The following TMEM163 variants were observed in gnomAD, a reference collection of about 807,000 sequenced individuals.
The protein encoded by TMEM163 is transmembrane protein 163.
Under a neutral mutation model 29.3 loss-of-function variants are expected in TMEM163, and 17 were observed. The ratio of observed to expected loss-of-function variants is 0.58; its 90% confidence interval spans 0.40 to 0.87. TMEM163 has a LOEUF of 0.87. Among genes scored for constraint, TMEM163 ranks in the 40% least tolerant of loss-of-function variants. The pLI, the probability that TMEM163 is intolerant of heterozygous loss-of-function variation, is 0.00. For missense variants in TMEM163, 303 were observed against 381.5 expected (o/e 0.79, Z 1.71); for synonymous variants, 157 against 160.6 (o/e 0.98, Z 0.17).
intron 5 of TMEM163, among the ~76,000 whole-genome samples, chr2:134,473,246 A>G (rs986120949): frequency 9.9e-5 from 15 of 152,202 alleles, no homozygotes; most frequent in Admixed American, 5.2e-4. Flanking sequence ...GCAGAAATCA[A>G]TGAGACAGAC....
chr2:134,532,122 C>A (rs1404164167), intron 4 of TMEM163, among the ~76,000 whole-genome samples: 3 of 152,258 alleles, frequency 2.0e-5, no homozygotes, highest in African/African-American at 7.2e-5. Context: ...TATGTGCATT[C>A]AGCACGAGAC....
At chr2:134,588,904 G>T (rs1483903723) in intron 2 of TMEM163, among the ~76,000 whole-genome samples, 1 of 152,126 alleles carries the variant, frequency 6.6e-6, no homozygotes, top group East Asian at 1.9e-4. Flanking sequence ...AAAGTGTAGA[G>T]TTCATGAAGA....
chr2:134,510,231 G>GA (rs1193811346), intron 4 of TMEM163, among the ~76,000 whole-genome samples: 1 of 152,114 alleles, frequency 6.6e-6, no homozygotes, highest in African/African-American at 2.4e-5. Context: ...GTTGCTTAGG[G>GA]AAAAAATGAA....
At chr2:134,462,955 A>G (rs1686582401) in intron 6 of TMEM163, among the ~76,000 whole-genome samples, 2 of 152,206 alleles carry the variant, frequency 1.3e-5, no homozygotes, top group African/African-American at 4.8e-5. Context: ...AGTGAGGTGG[A>G]TAAAGATCCC....
intron 2 of TMEM163, among the ~76,000 whole-genome samples, chr2:134,662,010 T>C (rs1558982993): frequency 6.7e-6 from 1 of 148,616 alleles, no homozygotes; most frequent in Non-Finnish European, 1.5e-5. Flanking sequence ...AGGCTCACTG[T>C]AAGCTCCACC....
In TMEM163 at chr2:134,460,685, C is replaced by T. The variant is rs1574147873; in HGVS notation, c.668-2512G>A. Reference sequence around the variant, plus strand: ...GTGCTGCTCAGAAAAGAGGCAAAAGCGTGAGGTTCCCCAGACAGCCACTAG... The same window carrying T: ...GTGCTGCTCAGAAAAGAGGCAAAAGTGTGAGGTTCCCCAGACAGCCACTAG... On this transcript the variant is annotated intron_variant, in intron 6 of 7. Transcript: ENST00000281924. The surrounding 1 kb of genome is among the most constrained non-coding windows in gnomAD (Gnocchi z 4.3). 6.6e-6 allele frequency among the ~76,000 whole-genome samples: 1 copy of T among 152,274 alleles called. No individual in the cohort carries two copies. Among genetic ancestry groups the T allele is most frequent in the African/African-American group, 2.4e-5 (1 of 41,540 alleles).
At chr2:134,711,889 T>A (rs1684934582) in intron 2 of TMEM163, among the ~76,000 whole-genome samples, 1 of 152,216 alleles carries the variant, frequency 6.6e-6, no homozygotes, top group African/African-American at 2.4e-5. Flanking sequence ...CCTCCCTTCA[T>A]TCCTTTCCTT....
At chr2:134,697,260 AAGG>A (rs1684602383) in intron 2 of TMEM163, among the ~76,000 whole-genome samples, 1 of 152,236 alleles carries the variant, frequency 6.6e-6, no homozygotes, top group East Asian at 1.9e-4. Context: ...GTATAATAAT[AAGG>A]AGAAGTGGTA....
chr2:134,594,381 G>C (rs897713800), intron 2 of TMEM163, among the ~76,000 whole-genome samples: 9 of 152,152 alleles, frequency 5.9e-5, no homozygotes, highest in African/African-American at 2.2e-4. Context: ...TGAGTTTCCA[G>C]TGAGTGTGAT....
chr2:134,487,208 C>A (rs1679336127), intron 5 of TMEM163, among the ~76,000 whole-genome samples: 1 of 152,062 alleles, frequency 6.6e-6, no homozygotes, highest in African/African-American at 2.4e-5. Context: ...ATAAAACATA[C>A]CCAAAATAAT....
chr2:134,620,160 G>A (rs2104824273), intron 2 of TMEM163, among the ~76,000 whole-genome samples: 1 of 151,962 alleles, frequency 6.6e-6, no homozygotes, highest in Non-Finnish European at 1.5e-5. Context: ...CTGACAGGCT[G>A]ATCCTAAAAC....
chr2:134,481,481 T>C (rs1194052386), intron 5 of TMEM163, among the ~76,000 whole-genome samples: 3 of 152,156 alleles, frequency 2.0e-5, no homozygotes, highest in Non-Finnish European at 2.9e-5. Context: ...AGCTCTCTTA[T>C]CTGCTGCAAT....
intron 4 of TMEM163, among the ~76,000 whole-genome samples, chr2:134,530,389 C>A (rs1242866100): frequency 6.6e-6 from 1 of 152,178 alleles, no homozygotes; most frequent in African/African-American, 2.4e-5. Context: ...AATCCTTCTA[C>A]CTCAGCCTCC....
chr2:134,677,883 C>T (rs1054023092), intron 2 of TMEM163, among the ~76,000 whole-genome samples: 3 of 152,094 alleles, frequency 2.0e-5, no homozygotes, highest in African/African-American at 4.8e-5. Flanking sequence ...TACATAGGAC[C>T]GACCTAATGA....
chr2:134,456,772 G>A lies in TMEM163; in HGVS notation c.814C>T (p.Leu272Phe), dbSNP rs1422988307. 1.9e-6 allele frequency: 3 copies of A among 1,613,604 alleles called. No homozygotes were observed. The highest frequency in any genetic ancestry group is 2.5e-6 in the Non-Finnish European group (3 of 1,179,888). The change falls in exon 8 of 8, where the codon CTC becomes TTC. Residue 272 changes from leucine to phenylalanine, a missense_variant. Physicochemically the swap from Leu to Phe is conservative, Grantham distance 22. Transcript: ENST00000281924. ...LTIFAYGVKLLIDMVPRVRQT... is the reference protein window; with the variant it reads ...LTIFAYGVKLFIDMVPRVRQT... ...CTCACCCTCGGCACCATGTCGATGAGGAGTCTGCAAAGACGAAGACAGACA... is the reference window on the plus strand; with the variant it reads ...CTCACCCTCGGCACCATGTCGATGAAGAGTCTGCAAAGACGAAGACAGACA...
At chr2:134,534,520 G>T (rs1680487591) in intron 4 of TMEM163, among the ~76,000 whole-genome samples, 1 of 152,180 alleles carries the variant, frequency 6.6e-6, no homozygotes, top group Non-Finnish European at 1.5e-5. Context: ...GGGAGGCCAA[G>T]GCAGGCAGAT....
chr2:134,606,837 A>G (rs1682380471), intron 2 of TMEM163, among the ~76,000 whole-genome samples: 1 of 152,242 alleles, frequency 6.6e-6, no homozygotes, highest in Admixed American at 6.5e-5. Context: ...GATTTGGTAA[A>G]CTTTCGTTTG....
At position 134,456,584 on chromosome 2, in the gene TMEM163, C is replaced by G. The variant is rs1373388444; in HGVS notation, c.*132G>C. 11 of 1,118,432 alleles carry G rather than the reference C, an allele frequency of 9.8e-6. No homozygotes were observed. Among genetic ancestry groups the G allele is most frequent in the Non-Finnish European group, 1.4e-5 (11 of 767,028 alleles). The allele number at this position is 1,118,432 out of a possible 1,614,324, so 69.3% of individuals were successfully genotyped here. On this transcript the variant is annotated 3_prime_UTR_variant, in exon 8 of 8. Coordinates refer to ENST00000281924, the MANE Select transcript of TMEM163 (RefSeq NM_030923.5). ...AGGTAGATCCACCTGGCTGGGCAGACCTTGTCTTGTAATGACAAACCATGT... is the reference window on the plus strand; with the variant it reads ...AGGTAGATCCACCTGGCTGGGCAGAGCTTGTCTTGTAATGACAAACCATGT...
At chr2:134,663,109 CAGA>C (rs1228396252) in intron 2 of TMEM163, among the ~76,000 whole-genome samples, 1 of 152,150 alleles carries the variant, frequency 6.6e-6, no homozygotes, top group Non-Finnish European at 1.5e-5. Flanking sequence ...ACCCTGTGGC[CAGA>C]AGAACAAAAA....
Sources: allele counts gnomAD v4.1 joint callset (sites outside exome capture counted in the v4.1 genomes callset), GRCh38; gene constraint gnomAD v4.1.1; non-coding constraint Gnocchi (gnomAD v3.1); transcripts MANE v1.5; gene names NCBI Gene and HGNC (gene_info 2026-07-23, HGNC 2026-07-21).